Variants in MROH7 observed in about 807,000 individuals in gnomAD.
MROH7 encodes the protein maestro heat like repeat family member 7.
Under a neutral mutation model 129.2 loss-of-function variants are expected in MROH7, and 113 were observed. The observed-to-expected ratio is 0.87, with a 90% confidence interval of 0.75 to 1.02. The LOEUF (loss-of-function observed/expected upper bound fraction) is 1.02. Among genes scored for constraint, MROH7 ranks in the 50% least tolerant of loss-of-function variants. The pLI, the probability that MROH7 is intolerant of heterozygous loss-of-function variation, is 0.00. For missense variants in MROH7, 1,601 were observed against 1,671.3 expected, an observed-to-expected ratio of 0.96 and a Z score of 0.73; for synonymous variants, 655 against 667.9, an observed-to-expected ratio of 0.98 and a Z score of 0.30.
At chr1:54,661,010 C>CTTTTTTTT (rs34137020) in intron 3 of MROH7, among the ~76,000 whole-genome samples, 1 of 117,450 alleles carries the variant, frequency 8.5e-6, no homozygotes, top group African/African-American at 2.9e-5. Flanking sequence ...ACGTTTTGTG[C>CTTTTTTTT]TTTTTTTTTT....
chr1:54,656,079 A>G (rs1033866861), intron 3 of MROH7, among the ~76,000 whole-genome samples: 4 of 151,692 alleles, frequency 2.6e-5, no homozygotes, highest in Non-Finnish European at 5.9e-5. Flanking sequence ...GTTTTAGCAG[A>G]GACAGGGTTT....
intron 10 of MROH7, among the ~76,000 whole-genome samples, chr1:54,676,069 T>G (rs954837239): frequency 6.6e-6 from 1 of 152,092 alleles, no homozygotes; most frequent in Admixed American, 6.5e-5. Flanking sequence ...AGGTAAACAA[T>G]GGGTAATTTT....
At chr1:54,680,211 T>C (rs527660356) in intron 13 of MROH7, among the ~76,000 whole-genome samples, 166 bp downstream of exon 13, 1 of 152,332 alleles carries the variant, frequency 6.6e-6, no homozygotes, top group South Asian at 2.1e-4. Context: ...TCCTGAGCAC[T>C]GCTGCTGTCA....
intron 17 of MROH7, among the ~76,000 whole-genome samples, chr1:54,696,389 T>A (rs1251670323): frequency 6.6e-6 from 1 of 152,190 alleles, no homozygotes; most frequent in Non-Finnish European, 1.5e-5. Flanking sequence ...AATACATTCA[T>A]ATTGTTATGC....
chr1:54,708,417 A>AAAACAAACAAAC (rs55969302), intron 22 of MROH7, among the ~76,000 whole-genome samples: 7,037 of 150,638 alleles, frequency 0.047, 496 homozygotes, highest in African/African-American at 0.15. Flanking sequence ...ACACTGTCTA[A>AAAACAAACAAAC]AAACAAACAA....
chr1:54,678,108 G>A (rs922616962), intron 10 of MROH7, among the ~76,000 whole-genome samples: 4 of 152,156 alleles, frequency 2.6e-5, no homozygotes, highest in African/African-American at 9.7e-5. Context: ...TGCTGGTGGG[G>A]TTACCGTTGA....
intron 14 of MROH7, among the ~76,000 whole-genome samples, chr1:54,684,844 AGT>A (rs1038394952): frequency 1.3e-5 from 2 of 152,184 alleles, no homozygotes; most frequent in Non-Finnish European, 1.5e-5. Flanking sequence ...AAGGGGAGAT[AGT>A]GTATGTGGAA....
In MROH7 at chr1:54,678,781, A is replaced by G. The variant is rs763140643; in HGVS notation, c.1976A>G (p.Tyr659Cys). 1.9e-6 allele frequency: 3 copies of G among 1,614,112 alleles called. No individual in the cohort carries two copies. The highest frequency in any genetic ancestry group is 1.3e-5 in the African/African-American group (1 of 75,020). The change falls in exon 11 of 24, where the codon TAT (tyrosine) becomes TGT (cysteine). Residue 659 changes from tyrosine to cysteine, a missense_variant. Coordinates refer to ENST00000421030, the MANE Select transcript of MROH7 (RefSeq NM_001039464.4). Reference protein sequence around the residue: ...DKEETNKKELYESNKHFLGPY... With the variant: ...DKEETNKKELCESNKHFLGPY... ...GAAGAGACCAACAAAAAGGAGCTATATGAGAGCAACAAGCATTTCCTGGGG... is the reference window on the plus strand; with the variant it reads ...GAAGAGACCAACAAAAAGGAGCTATGTGAGAGCAACAAGCATTTCCTGGGG...
chr1:54,702,691 C>T lies in MROH7; in HGVS notation c.3510C>T (p.Ser1170=), dbSNP rs371435764. The T allele has an allele frequency of 8.1e-5, 131 of 1,613,726 alleles. 1 individual carries two copies. Among genetic ancestry groups the T allele is most frequent in the Middle Eastern group, 3.3e-4 (2 of 6,080 alleles). ...GGGAGTTGCCAAAAAGAGCTTATAG[C>T]CGGAAGCCCTGGGACAACCAACAGC... ...MAWELPKRAY[S]RKPWDNQQQT... Residue 1170 remains serine (S), a synonymous_variant, in exon 21 of 24, where the codon AGC becomes AGT. Coordinates refer to ENST00000421030, the MANE Select transcript of MROH7 (RefSeq NM_001039464.4).
chr1:54,668,397 T>G (rs1644844545), intron 4 of MROH7, among the ~76,000 whole-genome samples: 1 of 152,238 alleles, frequency 6.6e-6, no homozygotes, highest in African/African-American at 2.4e-5. Context: ...ATGGTCATTG[T>G]TTATTTTCCT....
chr1:54,668,811 G>A (rs1192754184), intron 4 of MROH7, 43 bp from the exon 5 acceptor site: 2 of 1,511,874 alleles, frequency 1.3e-6, no homozygotes, highest in South Asian at 2.3e-5. Context: ...ACTGGGCTCA[G>A]TGGGTCTCTC....
chr1:54,699,706 C>A (rs927410004), intron 17 of MROH7: 2 of 218,836 alleles, frequency 9.1e-6, no homozygotes, highest in Non-Finnish European at 1.8e-5. Context: ...AGGAACAACT[C>A]GGGTTTTGTC....
Position 54,665,170 on chromosome 1 carries a change from C to G in MROH7, c.1235C>G (p.Ala412Gly), listed in dbSNP as rs774157644. Residue 412 changes from alanine (A) to glycine (G), a missense_variant, in exon 4 of 24, where the codon GCC becomes GGC. Coordinates refer to ENST00000421030, the MANE Select transcript of MROH7 (RefSeq NM_001039464.4). ...TCATTGAAATCGTGCCCTGCAGGAG[C>G]CTTTGATGAAGTGACCTCATGCCTG... ...AVTLQGIPEGAFDEVTSCLVK... is the reference protein window; with the variant it reads ...AVTLQGIPEGGFDEVTSCLVK... The G allele has an allele frequency of 6.8e-6, 11 of 1,613,526 alleles. No individual in the cohort carries two copies. The highest frequency in any genetic ancestry group is 9.3e-6 in the Non-Finnish European group (11 of 1,179,700).
intron 22 of MROH7, among the ~76,000 whole-genome samples, chr1:54,707,019 T>A (rs926255018): frequency 6.6e-6 from 1 of 152,214 alleles, no homozygotes; most frequent in African/African-American, 2.4e-5. Flanking sequence ...TTTCACAGAC[T>A]GAATGAGAAT....
intron 21 of MROH7, 33 bp downstream of exon 21, chr1:54,702,778 A>G: frequency 6.3e-7 from 1 of 1,586,270 alleles, no homozygotes; most frequent in Non-Finnish European, 8.6e-7. Context: ...GTGGTTCCTT[A>G]CAAGCATGTT....
Position 54,654,114 on chromosome 1 carries a change from C to A in MROH7, c.1188C>A (p.Asn396Lys), listed in dbSNP as rs201471334. ...GQFPLGFPIS[N>K]PAGKDAVTLQ... is the part of the protein sequence containing the mutation. ...TCCCGCTGGGATTCCCCATCTCCAA[C>A]CCCGCAGGCAAGGACGCCGTGACCT... The change falls in exon 3 of 24, where the codon AAC becomes AAA. Residue 396 changes from asparagine to lysine, a missense_variant. Physicochemically the swap from Asn to Lys is moderately conservative, Grantham distance 94 (BLOSUM62 0). Coordinates refer to ENST00000421030, the MANE Select transcript of MROH7 (RefSeq NM_001039464.4). 1,182 of 1,613,602 alleles carry A rather than the reference C, an allele frequency of 7.3e-4. 13 individuals are homozygous for A. The highest frequency in any genetic ancestry group is 3.3e-4 in the Middle Eastern group (2 of 6,084).
rs1016077375 is a variant in MROH7, at chr1:54,710,199, C to T, written c.*12C>T. On this transcript the variant is annotated 3_prime_UTR_variant, in exon 24 of 24. Transcript: ENST00000421030. ...CCTTGAAGAAGTGACGTCCCTGAGC[C>T]CCAAACCCTCCTCAGGGTGGTTGAG... The T allele has an allele frequency of 6.2e-7, 1 of 1,607,766 alleles. No homozygotes were observed. Among genetic ancestry groups the T allele is most frequent in the African/African-American group, 1.3e-5 (1 of 74,986 alleles).
In MROH7 at chr1:54,701,282, A is replaced by G. The variant is rs374529089; in HGVS notation, c.3245A>G (p.Tyr1082Cys). ...RDQKLMDSAV[Y>C]VEMLQILLPH... ...CAGAAGCTGATGGACAGTGCGGTCT[A>G]TGTGGAGATGCTGCAGATCCTGCTG... Residue 1082 changes from tyrosine to cysteine, a missense_variant, in exon 19 of 24, where the codon TAT becomes TGT. Transcript: ENST00000421030. 60 of 1,606,930 alleles carry G rather than the reference A, an allele frequency of 3.7e-5. No individual in the cohort carries two copies. In the African/African-American group the frequency reaches 7.9e-4, roughly 21 times the overall value.
intron 10 of MROH7, among the ~76,000 whole-genome samples, chr1:54,677,996 T>C (rs1645008442): frequency 1.3e-5 from 2 of 152,070 alleles, no homozygotes; most frequent in Admixed American, 1.3e-4. Context: ...GGATTGCAGT[T>C]TAAAAGAGGT....
Sources: allele counts gnomAD v4.1 joint callset (sites outside exome capture counted in the v4.1 genomes callset), GRCh38; gene constraint gnomAD v4.1.1; transcripts MANE v1.5; gene names NCBI Gene and HGNC (gene_info 2026-07-23, HGNC 2026-07-21).